FSHB: variants seen among roughly 807,000 people sequenced by gnomAD.
FSHB encodes follicle stimulating hormone subunit beta.
Under a neutral mutation model 12.1 loss-of-function variants are expected in FSHB, and 8 were observed. The observed-to-expected ratio is 0.66, with a 90% CI of 0.39 to 1.19. The LOEUF is 1.19. Among genes scored for constraint, FSHB ranks in the 50% most tolerant of loss-of-function variants. The probability of loss-of-function intolerance (pLI) is 0.01; values close to 1 mark genes in which losing one functional copy is unlikely to be tolerated. For synonymous variants in FSHB, 55 were observed against 54.6 expected (o/e 1.01, Z -0.04); for missense variants, 153 against 157.2 (o/e 0.97, Z 0.14).
rs926067580 is a variant in FSHB, at chr11:30,233,572, T to A, written c.162T>A (p.Asp54Glu). 1 of 1,612,160 alleles carries A rather than the reference T, an allele frequency of 6.2e-7. No homozygotes were observed. Among genetic ancestry groups the A allele is most frequent in the Non-Finnish European group, 8.5e-7 (1 of 1,178,380 alleles). Residue 54 changes from aspartate to glutamate, a missense_variant and splice_region_variant, in exon 3 of 3, where the codon GAT becomes GAA. Transcript: ENST00000533718. ...TWCAGYCYTR[D>E]LVYKDPARPK... is the part of the protein sequence containing the mutation. ...AACTCTCTTCTTAAACTCCTCAGGA[T>A]CTGGTGTATAAGGACCCAGCCAGGC...
intron 2 of FSHB, among the ~76,000 whole-genome samples, chr11:30,233,306 T>C (rs1276431525): frequency 6.6e-6 from 1 of 152,198 alleles, no homozygotes; most frequent in Non-Finnish European, 1.5e-5. Flanking sequence ...CATTTTTCTA[T>C]GCTAAAATTC....
chr11:30,233,509 G>T, intron 2 of FSHB, 61 bp from the exon 3 acceptor site: 1 of 1,344,650 alleles, frequency 7.4e-7, no homozygotes, highest in South Asian at 1.2e-5. Flanking sequence ...GTCTCATTTT[G>T]ACTAAGCTAA....
At chr11:30,231,836 C>A in intron 1 of FSHB, 30 bp from the exon 2 acceptor site, 1 of 1,576,688 alleles carries the variant, frequency 6.3e-7, no homozygotes, top group Non-Finnish European at 8.7e-7. Flanking sequence ...GGTCAGCTTA[C>A]ATAATGATTA....
At chr11:30,231,607 G>T (rs1406257886) in intron 1 of FSHB, among the ~76,000 whole-genome samples, 2 of 152,148 alleles carry the variant, frequency 1.3e-5, no homozygotes, top group Admixed American at 6.5e-5. Flanking sequence ...ATGACAGTCA[G>T]CAATAAGATT....
In FSHB at chr11:30,233,554, T is replaced by C. The variant is rs765243190; in HGVS notation, c.160-16T>C. Reference sequence around the variant, plus strand: ...TCCACAATACCATAACCTAACTCTCTTCTTAAACTCCTCAGGATCTGGTGT... The same window carrying C: ...TCCACAATACCATAACCTAACTCTCCTCTTAAACTCCTCAGGATCTGGTGT... On this transcript the variant is annotated splice_polypyrimidine_tract_variant and intron_variant, in intron 2 of 2. Coordinates refer to ENST00000533718, the MANE Select transcript of FSHB (RefSeq NM_001382289.1). 1 of 1,599,188 alleles carries C rather than the reference T, an allele frequency of 6.3e-7. No homozygotes were observed. Among genetic ancestry groups the C allele is most frequent in the Admixed American group, 1.7e-5 (1 of 59,962 alleles).
intron 2 of FSHB, among the ~76,000 whole-genome samples, chr11:30,232,582 G>A (rs1339231981): frequency 6.6e-6 from 1 of 152,124 alleles, no homozygotes; most frequent in Non-Finnish European, 1.5e-5. Flanking sequence ...CTTGCAGACT[G>A]TTAGAACAAA....
chr11:30,231,409 G>A (rs1178655282), intron 1 of FSHB, among the ~76,000 whole-genome samples: 1 of 152,136 alleles, frequency 6.6e-6, no homozygotes, highest in Non-Finnish European at 1.5e-5. Flanking sequence ...TCAGAGGATT[G>A]CTTGAGCCTG....
At chr11:30,231,147 G>A (rs1366603052) in intron 1 of FSHB, 99 bp downstream of exon 1, 1 of 152,218 alleles carries the variant, frequency 6.6e-6, no homozygotes, top group Non-Finnish European at 1.5e-5. Flanking sequence ...TCTCACTACT[G>A]TTGTGTAGGA....
intron 2 of FSHB, among the ~76,000 whole-genome samples, chr11:30,232,442 T>C (rs548027889): frequency 6.6e-6 from 1 of 152,298 alleles, no homozygotes; most frequent in Non-Finnish European, 1.5e-5. Context: ...TGACACTACA[T>C]CTTTGACACA....
Position 30,233,976 on chromosome 11 carries a change from G to A in FSHB, c.*176G>A. ...TGGGAATTGAGAGTGCTGGGGGCCA[G>A]GACTCCATCATGATTCAGCTCTATA... is the stretch of plus-strand genomic sequence containing the variant. On this transcript the variant is annotated 3_prime_UTR_variant, in exon 3 of 3. Coordinates refer to ENST00000533718, the MANE Select transcript of FSHB (RefSeq NM_001382289.1). The A allele has an allele frequency of 1.5e-6, 1 of 645,784 alleles. No individual in the cohort carries two copies. The highest frequency in any genetic ancestry group is 2.8e-6 in the Non-Finnish European group (1 of 358,674). The allele number at this position is 645,784 out of a possible 1,614,324, so 40.0% of individuals were successfully genotyped here. A position where few individuals can be genotyped will look rare whatever the true frequency, so the allele number is the denominator to read the frequency against.
In FSHB at chr11:30,231,998, A is replaced by G. The variant is rs768241632; in HGVS notation, c.96A>G (p.Lys32=). Residue 32 remains lysine (K), a synonymous_variant, in exon 2 of 3, where the codon AAA becomes AAG. Transcript: ENST00000533718. ...CCAACATCACCATTGCAATAGAGAA[A>G]GAAGAATGTCGTTTCTGCATAAGCA... The part of the protein sequence containing the change: ...ELTNITIAIE[K]EECRFCISIN... The G allele has an allele frequency of 1.2e-6, 2 of 1,613,992 alleles. No individual in the cohort carries two copies. Among genetic ancestry groups the G allele is most frequent in the South Asian group, 2.2e-5 (2 of 91,086 alleles).
rs1441362314 is a variant in FSHB, at chr11:30,235,000, T to A, written c.*1200T>A. On this transcript the variant is annotated 3_prime_UTR_variant, in exon 3 of 3. Coordinates refer to ENST00000533718, the MANE Select transcript of FSHB (RefSeq NM_001382289.1). The stretch of plus-strand genomic sequence containing the variant: ...ACACTCATATTGTTTAACTAATTTA[T>A]TTAAATCTTATTTTTTTAATAAAGA... The A allele has an allele frequency of 6.6e-6, 1 of 152,188 alleles. No homozygotes were observed. Among genetic ancestry groups the A allele is most frequent in the African/African-American group, 2.4e-5 (1 of 41,452 alleles). 9.4% of individuals were successfully genotyped at this position (152,188 alleles called of 1,614,324 possible).
In FSHB at chr11:30,232,512, T is replaced by C. The variant is rs556596757; in HGVS notation, c.159+451T>C. On this transcript the variant is annotated intron_variant, in intron 2 of 2. Coordinates refer to ENST00000533718, the MANE Select transcript of FSHB (RefSeq NM_001382289.1). ...AAACATAGACAGCCACTTAAAAAAA[T>C]TGTCTTCCTGGCCCTACTAAATACA... is the stretch of plus-strand genomic sequence containing the variant. Among the ~76,000 whole-genome samples, 8 of 152,230 alleles carry C rather than the reference T, an allele frequency of 5.3e-5. No homozygotes were observed. The South Asian group carries it at 1.5e-3, about 28-fold the overall frequency.
At chr11:30,231,553 G>A (rs951196473) in intron 1 of FSHB, among the ~76,000 whole-genome samples, 1 of 152,020 alleles carries the variant, frequency 6.6e-6, no homozygotes, top group Non-Finnish European at 1.5e-5. Flanking sequence ...AAATAATAAT[G>A]GAAGAACAAA....
chr11:30,232,480 C>A (rs1356032174), intron 2 of FSHB, among the ~76,000 whole-genome samples: 3 of 152,114 alleles, frequency 2.0e-5, no homozygotes, highest in Non-Finnish European at 4.4e-5. Flanking sequence ...GTCTCCAAGT[C>A]ACATAAAAAC....
rs1176693882 is a variant in FSHB, at chr11:30,234,863, CA to C, written c.*1064del. The C allele has an allele frequency of 6.6e-6, 1 of 152,116 alleles. No individual in the cohort carries two copies. The highest frequency in any genetic ancestry group is 1.5e-5 in the Non-Finnish European group (1 of 68,016). 9.4% of individuals were successfully genotyped at this position (152,116 alleles called of 1,614,324 possible). ...GTCTACATCAATCTTCTATTTTATC[CA>C]TCCATGTTCTCCCAAATCTGTGCTT... On this transcript the variant is annotated 3_prime_UTR_variant, in exon 3 of 3. Transcript: ENST00000533718.
Position 30,234,719 on chromosome 11 carries a change from T to C in FSHB, c.*919T>C, listed in dbSNP as rs946237163. The C allele has an allele frequency of 4.6e-5, 7 of 152,190 alleles. No individual in the cohort carries two copies. Among genetic ancestry groups the C allele is most frequent in the Non-Finnish European group, 8.8e-5 (6 of 68,032 alleles). The allele number at this position is 152,190 out of a possible 1,614,324, so 9.4% of individuals were successfully genotyped here. The stretch of plus-strand genomic sequence containing the variant: ...GATTTGAAAGTAGGTTTGAAAGCAG[T>C]TTCAGCAATTTAATAAATATAATTA... On this transcript the variant is annotated 3_prime_UTR_variant, in exon 3 of 3. Transcript: ENST00000533718.
chr11:30,233,574 T>C lies in FSHB; in HGVS notation c.164T>C (p.Leu55Pro). The C allele has an allele frequency of 1.2e-6, 2 of 1,612,604 alleles. No homozygotes were observed. The highest frequency in any genetic ancestry group is 1.7e-6 in the Non-Finnish European group (2 of 1,178,666). The change falls in exon 3 of 3, where the codon CTG becomes CCG. Residue 55 changes from leucine to proline, a missense_variant. Physicochemically the swap from Leu to Pro is moderately conservative, Grantham distance 98 (BLOSUM62 -3). Coordinates refer to ENST00000533718, the MANE Select transcript of FSHB (RefSeq NM_001382289.1). The part of the protein sequence containing the change: ...WCAGYCYTRD[L>P]VYKDPARPKI... The stretch of plus-strand genomic sequence containing the variant: ...CTCTCTTCTTAAACTCCTCAGGATC[T>C]GGTGTATAAGGACCCAGCCAGGCCC...
In FSHB at chr11:30,235,095, TATA is replaced by T. The variant is rs539059758; in HGVS notation, c.*1299_*1301del. 259 of 152,338 alleles carry T rather than the reference TATA, an allele frequency of 1.7e-3. 1 individual carries two copies. Among genetic ancestry groups the T allele is most frequent in the African/African-American group, 5.7e-3 (238 of 41,590 alleles). The allele number at this position is 152,338 out of a possible 1,614,324, so 9.4% of individuals were successfully genotyped here. ...CAGATGACTTAGATATTCTGTATTTTATAATATTAGTGGAATGAAATCTTAAAA... is the reference window on the plus strand; with the variant it reads ...CAGATGACTTAGATATTCTGTATTTTATATTAGTGGAATGAAATCTTAAAA... On this transcript the variant is annotated 3_prime_UTR_variant, in exon 3 of 3. Coordinates refer to ENST00000533718, the MANE Select transcript of FSHB (RefSeq NM_001382289.1).
Sources: gnomAD v4.1 joint callset for allele counts (sites outside exome capture counted in the v4.1 genomes callset) on GRCh38, gnomAD v4.1.1 for gene constraint, MANE v1.5 for transcripts, NCBI Gene and HGNC (gene_info 2026-07-23, HGNC 2026-07-21) for gene names.